GBE1: variants seen among roughly 807,000 people sequenced by gnomAD.
GBE1 encodes 1,4-alpha-glucan-branching enzyme.
GBE1 carries 70 observed loss-of-function variants against 88.8 expected under a neutral mutation model. That is an observed-to-expected ratio of 0.79 (90% CI 0.65 to 0.96). GBE1 has a LOEUF of 0.96. Ranked by LOEUF, GBE1 falls within the 40% of genes least tolerant of loss-of-function variation. The probability of loss-of-function intolerance (pLI) is 0.00; values close to 1 mark genes in which losing one functional copy is unlikely to be tolerated. For synonymous variants in GBE1, 284 were observed against 300.1 expected, an observed-to-expected ratio of 0.95 and a Z score of 0.56; for missense variants, 872 against 871.0, an observed-to-expected ratio of 1.00 and a Z score of -0.01.
At chr3:81,632,057 T>C (rs943174347) in intron 7 of GBE1, among the ~76,000 whole-genome samples, 2 of 152,112 alleles carry the variant, frequency 1.3e-5, no homozygotes, top group Admixed American at 6.6e-5. Flanking sequence ...GAACATGCAG[T>C]GTTTGGTTTT....
In GBE1 at chr3:81,599,463, T is replaced by C. The variant is rs180820818; in HGVS notation, c.993-5440A>G. On this transcript the variant is annotated intron_variant, in intron 7 of 15. Coordinates refer to ENST00000429644, the MANE Select transcript of GBE1 (RefSeq NM_000158.4). ...TAGAGCACACCTATGTAAACTTAGA[T>C]GGGAGAGCCTACTACTACACACCTA... 3.3e-5 allele frequency among the ~76,000 whole-genome samples: 5 copies of C among 152,234 alleles called. 1 individual carries two copies. The East Asian group carries it at 9.6e-4, about 29-fold the overall frequency.
At chr3:81,692,439 C>A (rs1306513774) in intron 2 of GBE1, among the ~76,000 whole-genome samples, 4 of 152,100 alleles carry the variant, frequency 2.6e-5, no homozygotes, top group Non-Finnish European at 4.4e-5. Flanking sequence ...TAAGGACCTA[C>A]CCCATCAGGT....
intron 12 of GBE1, among the ~76,000 whole-genome samples, chr3:81,555,344 C>A (rs1421538123): frequency 1.3e-5 from 2 of 152,092 alleles, no homozygotes; most frequent in Non-Finnish European, 2.9e-5. Context: ...AAACTACCAC[C>A]CTCCATATAG....
chr3:81,687,094 G>GCTCC (rs1705453290), intron 2 of GBE1, among the ~76,000 whole-genome samples: 1 of 152,158 alleles, frequency 6.6e-6, no homozygotes, highest in East Asian at 1.9e-4. Flanking sequence ...AGATCCAGGA[G>GCTCC]TGGATCTTTA....
At chr3:81,601,696 T>C (rs911827984) in intron 7 of GBE1, among the ~76,000 whole-genome samples, 3 of 152,200 alleles carry the variant, frequency 2.0e-5, no homozygotes, top group Non-Finnish European at 4.4e-5. Flanking sequence ...ATTACATTTA[T>C]GGCTGTAATA....
chr3:81,518,026 A>G (rs921942601), intron 14 of GBE1, among the ~76,000 whole-genome samples: 1 of 151,370 alleles, frequency 6.6e-6, no homozygotes, highest in Non-Finnish European at 1.5e-5. Context: ...CGAAGTTTAC[A>G]AACACATAAT....
chr3:81,678,573 T>C (rs1440736768), intron 2 of GBE1, among the ~76,000 whole-genome samples: 1 of 152,180 alleles, frequency 6.6e-6, no homozygotes. Context: ...TATACTATGA[T>C]TCTTCTCATG....
chr3:81,548,136 A>G (rs190814740), intron 12 of GBE1, among the ~76,000 whole-genome samples: 38 of 151,562 alleles, frequency 2.5e-4, no homozygotes, highest in Admixed American at 8.5e-4. Flanking sequence ...CCCCTCTAGG[A>G]ACCATCTTTG....
At chr3:81,743,217 C>T (rs1706374553) in intron 1 of GBE1, among the ~76,000 whole-genome samples, 1 of 152,106 alleles carries the variant, frequency 6.6e-6, no homozygotes, top group East Asian at 1.9e-4. Context: ...AAACAACATT[C>T]CACTGGAAGA....
intron 7 of GBE1, among the ~76,000 whole-genome samples, chr3:81,596,445 A>G (rs1382997964): frequency 1.3e-5 from 2 of 151,904 alleles, no homozygotes; most frequent in East Asian, 3.9e-4. Flanking sequence ...CGCTAAGTCG[A>G]TTTTCTAAAA....
chr3:81,721,534 G>A (rs575288266), intron 1 of GBE1, among the ~76,000 whole-genome samples: 1 of 152,182 alleles, frequency 6.6e-6, no homozygotes, highest in South Asian at 2.1e-4. Flanking sequence ...TTACTTATGG[G>A]TCAACCTTTC....
At chr3:81,642,585 T>G in intron 7 of GBE1, 196 bp downstream of exon 7, 1 of 497,532 alleles carries the variant, frequency 2.0e-6, no homozygotes, top group Non-Finnish European at 3.5e-6. Flanking sequence ...ATATGTAAAA[T>G]TGAAATTTAA....
intron 1 of GBE1, among the ~76,000 whole-genome samples, chr3:81,747,215 A>G (rs1366969304): frequency 6.6e-6 from 1 of 152,232 alleles, no homozygotes; most frequent in African/African-American, 2.4e-5. Flanking sequence ...AGCATGATTC[A>G]TCAAAATAAA....
chr3:81,567,966 CTATTTCT>C (rs1306500839), intron 12 of GBE1, among the ~76,000 whole-genome samples: 1 of 152,126 alleles, frequency 6.6e-6, no homozygotes, highest in African/African-American at 2.4e-5. Context: ...CCTGCCTTTC[CTATTTCT>C]TGAGTACTAA....
intron 14 of GBE1, 159 bp downstream of exon 14, chr3:81,535,036 G>A (rs1322158688): frequency 1.5e-6 from 1 of 688,786 alleles, no homozygotes; most frequent in East Asian, 2.9e-5. Flanking sequence ...GTCGAGCAAA[G>A]ATTTATCCAT....
intron 3 of GBE1, among the ~76,000 whole-genome samples, chr3:81,660,133 A>G (rs915326414): frequency 4.6e-5 from 7 of 152,230 alleles, no homozygotes; most frequent in Admixed American, 2.6e-4. Flanking sequence ...GACTATCAGT[A>G]AGAAGTAGCA....
intron 1 of GBE1, among the ~76,000 whole-genome samples, chr3:81,731,090 T>C (rs1227214518): frequency 6.6e-6 from 1 of 152,148 alleles, no homozygotes; most frequent in Non-Finnish European, 1.5e-5. Flanking sequence ...GTACCATACA[T>C]CTTTAATTTT....
intron 2 of GBE1, among the ~76,000 whole-genome samples, chr3:81,690,348 T>G (rs971300396): frequency 2.6e-5 from 4 of 152,156 alleles, no homozygotes; most frequent in African/African-American, 9.7e-5. Context: ...ATAAACTATA[T>G]CTCAGTTGTA....
chr3:81,588,467 A>G (rs745396123), intron 9 of GBE1, among the ~76,000 whole-genome samples: 2 of 152,182 alleles, frequency 1.3e-5, no homozygotes, highest in Non-Finnish European at 2.9e-5. Flanking sequence ...ATATTAAGGC[A>G]TGTTCTGTAT....
Sources: gnomAD v4.1 joint callset for allele counts (sites outside exome capture counted in the v4.1 genomes callset) on GRCh38, gnomAD v4.1.1 for gene constraint, MANE v1.5 for transcripts, NCBI Gene and HGNC (gene_info 2026-07-23, HGNC 2026-07-21) for gene names.